The following GPC6 variants were observed in gnomAD, a reference collection of about 807,000 sequenced individuals.
The protein encoded by GPC6 is glypican-6.
Under a neutral mutation model 55.2 loss-of-function variants are expected in GPC6, and 14 were observed. The ratio of observed to expected loss-of-function variants is 0.25; its 90% CI spans 0.17 to 0.40. The LOEUF is 0.40. Among genes scored for constraint, GPC6 ranks in the 10% least tolerant of loss-of-function variants. GPC6 has a pLI of 1.00. For synonymous variants in GPC6, 278 were observed against 259.6 expected, an observed-to-expected ratio of 1.07 and a Z score of -0.68; for missense variants, 641 against 708.5, an observed-to-expected ratio of 0.90 and a Z score of 1.08.
At chr13:93,609,136 T>C (rs923955735) in intron 2 of GPC6, among the ~76,000 whole-genome samples, 4 of 152,202 alleles carry the variant, frequency 2.6e-5, no homozygotes, top group African/African-American at 7.2e-5. Context: ...TGATCGTCTT[T>C]CTTATTATCT....
chr13:94,042,824 T>C (rs1256315191), intron 4 of GPC6, among the ~76,000 whole-genome samples: 1 of 151,902 alleles, frequency 6.6e-6, no homozygotes, highest in East Asian at 1.9e-4. Flanking sequence ...AGTATTTGCA[T>C]ACTGGTGATT....
At chr13:94,221,887 C>G (rs1890395800) in intron 4 of GPC6, among the ~76,000 whole-genome samples, 1 of 152,010 alleles carries the variant, frequency 6.6e-6, no homozygotes, top group South Asian at 2.1e-4. Context: ...AATTAAACAG[C>G]CATTGGATAT....
At chr13:93,810,195 A>G (rs1041893971) in intron 2 of GPC6, among the ~76,000 whole-genome samples, 4 of 152,206 alleles carry the variant, frequency 2.6e-5, no homozygotes, top group Admixed American at 2.6e-4. Context: ...AAGAAAGAAA[A>G]AGAACTTTGT....
At chr13:94,108,622 A>G (rs192950394) in intron 4 of GPC6, among the ~76,000 whole-genome samples, 2 of 151,996 alleles carry the variant, frequency 1.3e-5, no homozygotes, top group Non-Finnish European at 2.9e-5. Flanking sequence ...GGGTGGATCA[A>G]CTGAGGTCAG....
intron 1 of GPC6, among the ~76,000 whole-genome samples, chr13:93,354,719 C>T (rs1341164341): frequency 6.6e-6 from 1 of 151,950 alleles, no homozygotes; most frequent in East Asian, 1.9e-4. Context: ...TGTTTAATAA[C>T]CAAGGTTGGT....
At chr13:93,271,913 C>A (rs1471683939) in intron 1 of GPC6, among the ~76,000 whole-genome samples, 2 of 152,122 alleles carry the variant, frequency 1.3e-5, no homozygotes, top group African/African-American at 4.8e-5. Flanking sequence ...ACTACCATGG[C>A]AGACCATTAA....
intron 6 of GPC6, among the ~76,000 whole-genome samples, chr13:94,312,313 A>C (rs545138631): frequency 6.6e-6 from 1 of 152,368 alleles, no homozygotes; most frequent in East Asian, 1.9e-4. Context: ...AAGATCATCA[A>C]GATATGCAAC....
intron 5 of GPC6, among the ~76,000 whole-genome samples, chr13:94,289,653 A>G (rs553327997): frequency 2.6e-5 from 4 of 152,334 alleles, no homozygotes; most frequent in Admixed American, 1.3e-4. Flanking sequence ...CTGGTTCCCT[A>G]TGTCCATCCA....
intron 3 of GPC6, among the ~76,000 whole-genome samples, chr13:94,016,917 C>A (rs937427889): frequency 6.6e-6 from 1 of 151,998 alleles, no homozygotes; most frequent in African/African-American, 2.4e-5. Flanking sequence ...TCACTGCAAC[C>A]TCCGCCTCCT....
Position 94,149,812 on chromosome 13 carries a change from T to C in GPC6, c.877+121918T>C, listed in dbSNP as rs1887676670. Among the ~76,000 whole-genome samples the C allele has an allele frequency of 2.6e-5, 4 of 152,100 alleles. No homozygotes were observed. The South Asian group carries it at 6.2e-4, about 24-fold the overall frequency. On this transcript the variant is annotated intron_variant, in intron 4 of 8. Transcript: ENST00000377047. Reference sequence around the variant, plus strand: ...AGCAGTCACCCCCTCCCAGTGTACCTTGTAGTTTGACCATGGCACTTCACA... The same window carrying C: ...AGCAGTCACCCCCTCCCAGTGTACCCTGTAGTTTGACCATGGCACTTCACA...
intron 1 of GPC6, among the ~76,000 whole-genome samples, chr13:93,455,496 G>T (rs919723596): frequency 2.6e-5 from 4 of 151,904 alleles, no homozygotes; most frequent in Non-Finnish European, 5.9e-5. Context: ...CTCCCCAAGA[G>T]AAAAGTAATA....
rs533988643 is a variant in GPC6 at position 94,300,801 on chromosome 13, C to A, written c.1009-5179C>A. Among the ~76,000 whole-genome samples, 7 of 152,306 alleles carry A rather than the reference C, an allele frequency of 4.6e-5. No homozygotes were observed. The South Asian group carries it at 1.2e-3, about 27-fold the overall frequency. On this transcript the variant is annotated intron_variant, in intron 5 of 8. Coordinates refer to ENST00000377047, the MANE Select transcript of GPC6 (RefSeq NM_005708.5). Reference sequence around the variant, plus strand: ...GGGGTAGAGCGAATGATTTGTACCACAATAAGTTGGCTTATCCTGCAGCGA... The same window carrying A: ...GGGGTAGAGCGAATGATTTGTACCAAAATAAGTTGGCTTATCCTGCAGCGA...
intron 3 of GPC6, among the ~76,000 whole-genome samples, chr13:93,871,637 G>C (rs1444661949): frequency 6.7e-6 from 1 of 148,362 alleles, no homozygotes; most frequent in African/African-American, 2.4e-5. Flanking sequence ...TTGGAAGTCA[G>C]GTGTTAAAGC....
chr13:94,289,600 G>T (rs1158293631), intron 5 of GPC6, among the ~76,000 whole-genome samples: 1 of 152,208 alleles, frequency 6.6e-6, no homozygotes, highest in Non-Finnish European at 1.5e-5. Context: ...TTGTGGCACA[G>T]TGTGGAGGTT....
Position 94,215,451 on chromosome 13 carries a change from T to A in GPC6, c.878-70898T>A, listed in dbSNP as rs1890198545. ...AATTTTTTTCTATATGCTATGTAAA[T>A]AAATGTATGATATACATATGAAGCA... On this transcript the variant is annotated intron_variant, in intron 4 of 8. Coordinates refer to ENST00000377047, the MANE Select transcript of GPC6 (RefSeq NM_005708.5). Among the ~76,000 whole-genome samples, 3 of 152,184 alleles carry A rather than the reference T, an allele frequency of 2.0e-5. No individual in the cohort carries two copies. In the South Asian group the frequency reaches 6.2e-4, roughly 32 times the overall value.
chr13:93,786,786 G>A (rs9561445), intron 2 of GPC6, among the ~76,000 whole-genome samples: 45,576 of 151,900 alleles, frequency 0.3, 6,955 homozygotes, highest in African/African-American at 0.33. Context: ...AGAAGAAGAA[G>A]AGGTTAATAA....
chr13:94,012,660 A>G (rs1882296702), intron 3 of GPC6, among the ~76,000 whole-genome samples: 2 of 152,226 alleles, frequency 1.3e-5, no homozygotes, highest in Admixed American at 6.5e-5. Flanking sequence ...CTCTTACCAT[A>G]TGCCAGCTAC....
intron 1 of GPC6, among the ~76,000 whole-genome samples, chr13:93,516,896 A>T (rs1881219599): frequency 1.3e-5 from 2 of 152,088 alleles, no homozygotes; most frequent in African/African-American, 4.8e-5. Context: ...AATTAGAAAG[A>T]TCATTACCAT....
rs1877353327 is a variant in GPC6 at position 93,917,559 on chromosome 13, G to A, written c.711+87014G>A. 2.0e-5 allele frequency among the ~76,000 whole-genome samples: 3 copies of A among 152,172 alleles called. No individual in the cohort carries two copies. In the South Asian group the frequency reaches 6.2e-4, roughly 32 times the overall value. On this transcript the variant is annotated intron_variant, in intron 3 of 8. Coordinates refer to ENST00000377047, the MANE Select transcript of GPC6 (RefSeq NM_005708.5). ...TGCTGAGTTTAGTGAAGAAATGATG[G>A]GATGGGGAGCTCTGTTCATGCCTGA...
Sources: gnomAD v4.1 joint callset for allele counts (sites outside exome capture counted in the v4.1 genomes callset) on GRCh38, gnomAD v4.1.1 for gene constraint, MANE v1.5 for transcripts, NCBI Gene and HGNC (gene_info 2026-07-23, HGNC 2026-07-21) for gene names.